PHKB: variants seen among roughly 807,000 people sequenced by gnomAD.
PHKB encodes the protein phosphorylase b kinase regulatory subunit beta.
Under a neutral mutation model 152.1 loss-of-function variants are expected in PHKB, and 122 were observed. The observed-to-expected ratio is 0.80, with a 90% confidence interval of 0.69 to 0.93. The LOEUF is 0.93. Among genes scored for constraint, PHKB ranks in the 40% least tolerant of loss-of-function variants. PHKB has a pLI of 0.00. For synonymous variants in PHKB, 436 were observed against 464.9 expected (o/e 0.94, Z 0.80); for missense variants, 1,304 against 1,328.4 (o/e 0.98, Z 0.29).
rs201911168 is a variant in PHKB at position 47,580,374 on chromosome 16, C to T, written c.774+16C>T. 5.0e-5 allele frequency: 78 copies of T among 1,563,670 alleles called. No individual in the cohort carries two copies. The Middle Eastern group carries it at 5.0e-4, about 10-fold the overall frequency. On this transcript the variant is annotated intron_variant, in intron 8 of 30. Coordinates refer to ENST00000323584, the MANE Select transcript of PHKB (RefSeq NM_000293.3). The stretch of plus-strand genomic sequence containing the variant: ...TGGCAACCAGGTAAAAAATAAGACC[C>T]CCAGAATCTTTGATTATTTGAATTG...
chr16:47,477,863 T>G (rs1001691650), intron 1 of PHKB, among the ~76,000 whole-genome samples: 2 of 152,246 alleles, frequency 1.3e-5, no homozygotes, highest in Non-Finnish European at 2.9e-5. Context: ...TGTTTATTCC[T>G]TCATGCATAG....
intron 7 of PHKB, among the ~76,000 whole-genome samples, chr16:47,569,326 G>C (rs1971619547): frequency 6.6e-6 from 1 of 152,012 alleles, no homozygotes; most frequent in African/African-American, 2.4e-5. Context: ...AGCTACTCCT[G>C]CTCTCTTTTG....
intron 5 of PHKB, among the ~76,000 whole-genome samples, chr16:47,513,073 A>G (rs1347228465): frequency 2.6e-5 from 4 of 152,204 alleles, no homozygotes; most frequent in African/African-American, 7.2e-5. Context: ...TATGTTTGCT[A>G]TCAGAAGTAG....
intron 20 of PHKB, among the ~76,000 whole-genome samples, chr16:47,652,305 G>A (rs779515876): frequency 2.0e-5 from 3 of 150,696 alleles, no homozygotes; most frequent in Non-Finnish European, 3.0e-5. Context: ...GGGTGTGAGC[G>A]GTCCCATCAT....
At chr16:47,649,290 T>C in intron 18 of PHKB, 86 bp downstream of exon 18, 2 of 802,626 alleles carry the variant, frequency 2.5e-6, no homozygotes, top group Non-Finnish European at 4.5e-6. Context: ...TACTCCCAGG[T>C]ATCTGTGACA....
At chr16:47,530,910 G>A (rs976329656) in intron 6 of PHKB, among the ~76,000 whole-genome samples, 6 of 152,198 alleles carry the variant, frequency 3.9e-5, no homozygotes, top group East Asian at 1.9e-4. Flanking sequence ...CAAAATTTCC[G>A]TAGACGTCTC....
intron 6 of PHKB, among the ~76,000 whole-genome samples, chr16:47,542,308 G>A (rs1167961019): frequency 6.6e-6 from 1 of 152,144 alleles, no homozygotes; most frequent in African/African-American, 2.4e-5. Context: ...TCAGATGGTT[G>A]TAGATGTGTG....
intron 7 of PHKB, among the ~76,000 whole-genome samples, chr16:47,552,131 G>T (rs1400672031): frequency 2.0e-5 from 3 of 152,142 alleles, no homozygotes; most frequent in Non-Finnish European, 4.4e-5. Context: ...TGGATCTCCT[G>T]AATACAGCAC....
At chr16:47,543,045 G>T (rs1383010711) in intron 6 of PHKB, among the ~76,000 whole-genome samples, 4 of 152,192 alleles carry the variant, frequency 2.6e-5, no homozygotes, top group East Asian at 1.9e-4. Flanking sequence ...ATGTTGAATA[G>T]GAGTGGTGAG....
chr16:47,643,441 T>A (rs1430928081), intron 16 of PHKB, among the ~76,000 whole-genome samples: 1 of 152,226 alleles, frequency 6.6e-6, no homozygotes, highest in African/African-American at 2.4e-5. Flanking sequence ...CTTACAACAG[T>A]TCCTGGCTTA....
intron 13 of PHKB, among the ~76,000 whole-genome samples, chr16:47,601,647 G>A (rs1972228974): frequency 6.6e-6 from 1 of 151,818 alleles, no homozygotes; most frequent in Admixed American, 6.6e-5. Flanking sequence ...GGAGGTTGCA[G>A]TGAGCCAAGA....
chr16:47,690,769 A>G (rs759717050), intron 27 of PHKB, among the ~76,000 whole-genome samples: 3 of 152,176 alleles, frequency 2.0e-5, no homozygotes, highest in Admixed American at 6.5e-5. Context: ...CATCATTCCA[A>G]TGTGTTTCCA....
chr16:47,464,854 A>G (rs150655190), intron 1 of PHKB, among the ~76,000 whole-genome samples: 19 of 152,292 alleles, frequency 1.2e-4, no homozygotes, highest in Non-Finnish European at 2.2e-4. Flanking sequence ...GTAAGAGATT[A>G]CCTTTTCTAT....
intron 20 of PHKB, among the ~76,000 whole-genome samples, chr16:47,659,928 A>G (rs901991967): frequency 6.6e-6 from 1 of 152,152 alleles, no homozygotes; most frequent in African/African-American, 2.4e-5. Flanking sequence ...CAGTGGTGCA[A>G]TCTTGGCTCA....
chr16:47,623,266 G>A (rs556727322), intron 14 of PHKB, among the ~76,000 whole-genome samples: 1 of 151,870 alleles, frequency 6.6e-6, no homozygotes, highest in African/African-American at 2.4e-5. Context: ...TATTATATAA[G>A]TAATATTTCT....
intron 5 of PHKB, among the ~76,000 whole-genome samples, chr16:47,514,948 A>T (rs1460602694): frequency 1.3e-5 from 2 of 152,238 alleles, no homozygotes; most frequent in Non-Finnish European, 2.9e-5. Flanking sequence ...TACCATTAAC[A>T]TTAATATGTT....
chr16:47,665,835 G>A, intron 25 of PHKB: 1 of 794,854 alleles, frequency 1.3e-6, no homozygotes, highest in East Asian at 2.5e-5. Context: ...AAATGATGAT[G>A]TGAGGATTCC....
At position 47,502,854 on chromosome 16, in the gene PHKB, A is replaced by T. The variant is rs1467113653; in HGVS notation, c.306-137A>T. 29 of 674,266 alleles carry T rather than the reference A, an allele frequency of 4.3e-5. No homozygotes were observed. The Admixed American group carries it at 6.2e-4, about 14-fold the overall frequency. 41.8% of individuals were successfully genotyped at this position (674,266 alleles called of 1,614,324 possible). On this transcript the variant is annotated intron_variant, in intron 3 of 30. Coordinates refer to ENST00000323584, the MANE Select transcript of PHKB (RefSeq NM_000293.3). ...ATTTCTACTTTTGCTGGGAAAATGG[A>T]GTTTCACTGTGACAGAATTGGTAGA...
intron 25 of PHKB, among the ~76,000 whole-genome samples, chr16:47,667,346 G>C (rs1423282644): frequency 6.6e-6 from 1 of 152,106 alleles, no homozygotes; most frequent in Non-Finnish European, 1.5e-5. Context: ...GAGGTAGGAG[G>C]ATTGCTTGAG....
Sources: allele counts gnomAD v4.1 joint callset (sites outside exome capture counted in the v4.1 genomes callset), GRCh38; gene constraint gnomAD v4.1.1; transcripts MANE v1.5; gene names NCBI Gene and HGNC (gene_info 2026-07-23, HGNC 2026-07-21).